The following IL36B variants were observed in gnomAD, a reference collection of about 807,000 sequenced individuals.
The protein encoded by IL36B is interleukin-36 beta.
A neutral mutation model predicts 19.3 loss-of-function variants in IL36B; 23 were observed. That is an observed-to-expected ratio of 1.19 (90% CI 0.86 to 1.69). IL36B has a LOEUF of 1.69. Ranked by LOEUF, IL36B falls within the 40% of genes most tolerant of loss-of-function variation. The pLI is 0.00. For synonymous variants in IL36B, 59 were observed against 59.7 expected (o/e 0.99, Z 0.05); for missense variants, 217 against 200.5 (o/e 1.08, Z -0.50).
At chr2:113,037,008 C>T (rs911053330) in intron 1 of IL36B, among the ~76,000 whole-genome samples, 8 of 152,232 alleles carry the variant, frequency 5.3e-5, no homozygotes, top group Admixed American at 5.2e-4. Flanking sequence ...AAGATCCAGT[C>T]GAAACTATGG....
chr2:113,025,145 T>C (rs1223355932), intron 5 of IL36B, among the ~76,000 whole-genome samples: 2 of 152,228 alleles, frequency 1.3e-5, no homozygotes, highest in Non-Finnish European at 2.9e-5. Flanking sequence ...TGGTTATGTT[T>C]CATTTCTGCA....
chr2:113,050,387 C>T (rs532812553), intron 1 of IL36B, among the ~76,000 whole-genome samples: 1 of 151,536 alleles, frequency 6.6e-6, no homozygotes, highest in African/African-American at 2.4e-5. Flanking sequence ...ATATGAGGCG[C>T]CTAAAGCAGT....
intron 1 of IL36B, among the ~76,000 whole-genome samples, chr2:113,034,348 A>G (rs1050978996): frequency 6.6e-6 from 1 of 152,208 alleles, no homozygotes; most frequent in African/African-American, 2.4e-5. Context: ...TATGCAAAAA[A>G]GCCAACTTCT....
At chr2:113,032,894 T>A (rs1442928809) in intron 1 of IL36B, among the ~76,000 whole-genome samples, 2 of 152,182 alleles carry the variant, frequency 1.3e-5, no homozygotes, top group Non-Finnish European at 2.9e-5. Flanking sequence ...TGGTCTGTGC[T>A]TCCTGATTAA....
chr2:113,046,348 T>C (rs1167555398), intron 1 of IL36B, among the ~76,000 whole-genome samples: 1 of 152,020 alleles, frequency 6.6e-6, no homozygotes, highest in Non-Finnish European at 1.5e-5. Context: ...TAGCTGGGAC[T>C]ACAGACTCCC....
chr2:113,046,675 G>A (rs1231545607), intron 1 of IL36B, among the ~76,000 whole-genome samples: 1 of 152,140 alleles, frequency 6.6e-6, no homozygotes, highest in East Asian at 1.9e-4. Context: ...GGATTTGTCT[G>A]ATGTTTTTCT....
chr2:113,038,793 G>A (rs1486653540), intron 1 of IL36B, among the ~76,000 whole-genome samples: 2 of 152,220 alleles, frequency 1.3e-5, no homozygotes, highest in Admixed American at 1.3e-4. Flanking sequence ...AGGAGAGGGA[G>A]ACAAAGAGAC....
At chr2:113,031,787 G>T in intron 1 of IL36B, 21 bp from the exon 2 acceptor site, 2 of 1,070,612 alleles carry the variant, frequency 1.9e-6, no homozygotes, top group Non-Finnish European at 1.4e-6. Flanking sequence ...TTGGCCATGT[G>T]AGAGAAGGAG....
rs575107725 is a variant in IL36B at position 113,051,343 on chromosome 2, A to G, written c.-58+1474T>C. Among the ~76,000 whole-genome samples the G allele has an allele frequency of 1.5e-4, 23 of 152,360 alleles. No individual in the cohort carries two copies. The South Asian group carries it at 4.3e-3, about 29-fold the overall frequency. On this transcript the variant is annotated intron_variant, in intron 1 of 5. Transcript: ENST00000259213. ...CCTGAATGTGGATCTGGGGTACAGA[A>G]GTTGCCGGTGGCTCTGGCCCTGTTC...
At chr2:113,024,568 G>A (rs889677439) in intron 5 of IL36B, among the ~76,000 whole-genome samples, 1 of 152,150 alleles carries the variant, frequency 6.6e-6, no homozygotes, top group African/African-American at 2.4e-5. Flanking sequence ...CTCGATCCAG[G>A]AGAGCAAATA....
intron 1 of IL36B, among the ~76,000 whole-genome samples, chr2:113,049,197 T>G (rs1218391310): frequency 6.6e-6 from 1 of 152,082 alleles, no homozygotes; most frequent in Non-Finnish European, 1.5e-5. Flanking sequence ...GAAGAAAACA[T>G]AGGGGAAAGC....
At chr2:113,039,298 CAG>C (rs1260710706) in intron 1 of IL36B, among the ~76,000 whole-genome samples, 2 of 152,182 alleles carry the variant, frequency 1.3e-5, no homozygotes, top group Non-Finnish European at 2.9e-5. Flanking sequence ...TCACAAAACT[CAG>C]GGAACACCCA....
intron 1 of IL36B, among the ~76,000 whole-genome samples, chr2:113,051,500 C>T (rs1425850737): frequency 6.6e-6 from 1 of 152,220 alleles, no homozygotes; most frequent in African/African-American, 2.4e-5. Flanking sequence ...AGATCCCGGC[C>T]TGTGCACCTG....
intron 1 of IL36B, among the ~76,000 whole-genome samples, chr2:113,037,341 G>A (rs1406513692): frequency 6.6e-6 from 1 of 152,176 alleles, no homozygotes; most frequent in East Asian, 1.9e-4. Flanking sequence ...TTTTAGAAGA[G>A]CCAGCTCATT....
chr2:113,024,090 A>G (rs539543309), intron 5 of IL36B, among the ~76,000 whole-genome samples: 2 of 152,334 alleles, frequency 1.3e-5, no homozygotes, highest in East Asian at 3.9e-4. Flanking sequence ...ACGTGCATTC[A>G]TTTAGGTTTC....
intron 1 of IL36B, among the ~76,000 whole-genome samples, chr2:113,045,913 C>T (rs1332094553): frequency 6.6e-6 from 1 of 152,074 alleles, no homozygotes; most frequent in African/African-American, 2.4e-5. Flanking sequence ...TGTATCAGTT[C>T]TGGGTTGGCT....
chr2:113,027,984 G>A (rs781159319), intron 4 of IL36B: 4 of 1,613,996 alleles, frequency 2.5e-6, no homozygotes, highest in Non-Finnish European at 3.4e-6. Context: ...GTCCTGATGT[G>A]GTGGAGGTGG....
At position 113,022,479 on chromosome 2, in the gene IL36B, A is replaced by G; in HGVS notation, c.*195T>C. 1 of 511,692 alleles carries G rather than the reference A, an allele frequency of 2.0e-6. No individual in the cohort carries two copies. The highest frequency in any genetic ancestry group is 3.5e-6 in the Non-Finnish European group (1 of 285,352). The allele number at this position is 511,692 out of a possible 1,614,324, so 31.7% of individuals were successfully genotyped here. On this transcript the variant is annotated 3_prime_UTR_variant, in exon 6 of 6. Coordinates refer to ENST00000259213, the MANE Select transcript of IL36B (RefSeq NM_014438.5). ...GGTTATGTAGTCCAAATCTACTCCTAAAAAGACTCCGACCTTCTCTAGCTT... is the reference window on the plus strand; with the variant it reads ...GGTTATGTAGTCCAAATCTACTCCTGAAAAGACTCCGACCTTCTCTAGCTT...
intron 4 of IL36B, among the ~76,000 whole-genome samples, 178 bp from the exon 5 acceptor site, chr2:113,028,293 C>T (rs1685002571): frequency 6.6e-6 from 1 of 152,064 alleles, no homozygotes; most frequent in African/African-American, 2.4e-5. Flanking sequence ...CACTGGGTTC[C>T]CATAGCCTGG....
Sources: gnomAD v4.1 joint callset for allele counts (sites outside exome capture counted in the v4.1 genomes callset) on GRCh38, gnomAD v4.1.1 for gene constraint, MANE v1.5 for transcripts, NCBI Gene and HGNC (gene_info 2026-07-23, HGNC 2026-07-21) for gene names.